Variants in TTBK2 observed in about 807,000 individuals in gnomAD.
The protein encoded by TTBK2 is tau tubulin kinase 2.
A neutral mutation model predicts 110.8 loss-of-function variants in TTBK2; 28 were observed. The observed-to-expected ratio is 0.25, with a 90% CI of 0.19 to 0.35. The LOEUF is 0.35. Among genes scored for constraint, TTBK2 ranks in the 10% least tolerant of loss-of-function variants. The pLI, the probability that TTBK2 is intolerant of heterozygous loss-of-function variation, is 1.00. For synonymous variants in TTBK2, 532 were observed against 527.3 expected, an observed-to-expected ratio of 1.01 and a Z score of -0.12; for missense variants, 1,369 against 1,500.3, an observed-to-expected ratio of 0.91 and a Z score of 1.45.
At position 42,743,432 on chromosome 15, in the gene TTBK2, C is replaced by T. The variant is rs1183618106; in HGVS notation, c.*2363G>A. On this transcript the variant is annotated 3_prime_UTR_variant, in exon 15 of 15. Transcript: ENST00000267890. The stretch of plus-strand genomic sequence containing the variant: ...GCTTCATCAGCTTTTCCAATGATTA[C>T]TACTAGCATATTTCCGACTAAAGGG... 1 of 152,200 alleles carries T rather than the reference C, an allele frequency of 6.6e-6. No homozygotes were observed. Among genetic ancestry groups the T allele is most frequent in the African/African-American group, 2.4e-5 (1 of 41,456 alleles). The allele number at this position is 152,200 out of a possible 1,614,324, so 9.4% of individuals were successfully genotyped here.
intron 4 of TTBK2, 35 bp downstream of exon 4, chr15:42,840,325 G>A: frequency 1.3e-6 from 2 of 1,562,292 alleles, no homozygotes; most frequent in East Asian, 2.2e-5. Context: ...GATCAAAACT[G>A]AAGAATTTAA....
intron 14 of TTBK2, among the ~76,000 whole-genome samples, chr15:42,750,288 T>G (rs550829751): frequency 1.3e-5 from 2 of 152,208 alleles, no homozygotes; most frequent in Admixed American, 6.5e-5. Context: ...AAAGACCTGA[T>G]AGCAAAGCTA....
intron 1 of TTBK2, among the ~76,000 whole-genome samples, chr15:42,912,501 G>C (rs1427348618): frequency 1.3e-5 from 2 of 151,968 alleles, no homozygotes; most frequent in Non-Finnish European, 2.9e-5. Context: ...CTGAGGTCAG[G>C]AGTTCAAGAC....
chr15:42,778,290 C>CAAA (rs55838282), intron 11 of TTBK2, among the ~76,000 whole-genome samples: 39 of 127,524 alleles, frequency 3.1e-4, no homozygotes, highest in African/African-American at 7.5e-4. Flanking sequence ...AGCAAGTAAG[C>CAAA]AAAAAAAAAA....
intron 3 of TTBK2, among the ~76,000 whole-genome samples, chr15:42,871,271 C>T (rs1223783972): frequency 2.0e-5 from 3 of 151,990 alleles, no homozygotes; most frequent in South Asian, 2.1e-4. Flanking sequence ...TAGTTAATAA[C>T]GTGAAAAATA....
intron 3 of TTBK2, among the ~76,000 whole-genome samples, chr15:42,852,466 C>T (rs540213477): frequency 6.6e-6 from 1 of 152,282 alleles, no homozygotes; most frequent in East Asian, 1.9e-4. Flanking sequence ...ATATCTTCTC[C>T]TTTTCTGACT....
rs1216983693 is a variant in TTBK2, at chr15:42,742,736, A to G, written c.*3059T>C. ...AAAAGATAATTTTAACTGCTGCCCT[A>G]TACTACTTTTAGTATAGTTTGGCTT... On this transcript the variant is annotated 3_prime_UTR_variant, in exon 15 of 15. Coordinates refer to ENST00000267890, the MANE Select transcript of TTBK2 (RefSeq NM_173500.4). 6.6e-6 allele frequency: 1 copy of G among 152,242 alleles called. No homozygotes were observed. The highest frequency in any genetic ancestry group is 2.4e-5 in the African/African-American group (1 of 41,466). The allele number at this position is 152,242 out of a possible 1,614,324, so 9.4% of individuals were successfully genotyped here. A position where few individuals can be genotyped will look rare whatever the true frequency, so the allele number is the denominator to read the frequency against.
chr15:42,892,079 T>C (rs1319453822), intron 1 of TTBK2, among the ~76,000 whole-genome samples: 2 of 152,150 alleles, frequency 1.3e-5, no homozygotes, highest in African/African-American at 2.4e-5. Context: ...GACTATATAA[T>C]ATCCCAGGTC....
intron 3 of TTBK2, among the ~76,000 whole-genome samples, chr15:42,844,270 T>C (rs1395801117): frequency 6.6e-6 from 1 of 152,160 alleles, no homozygotes; most frequent in Non-Finnish European, 1.5e-5. Flanking sequence ...TAATAAAACA[T>C]GCATAATATG....
chr15:42,827,244 G>A (rs897061797), intron 6 of TTBK2, among the ~76,000 whole-genome samples: 2 of 152,036 alleles, frequency 1.3e-5, no homozygotes, highest in Non-Finnish European at 1.5e-5. Context: ...GAGGAAGAAC[G>A]GAATAGATTT....
intron 14 of TTBK2, among the ~76,000 whole-genome samples, chr15:42,750,462 TA>T (rs2061850295): frequency 6.6e-6 from 1 of 150,976 alleles, no homozygotes; most frequent in South Asian, 2.1e-4. Flanking sequence ...GTACAATCAC[TA>T]AAATAAAAAA....
intron 1 of TTBK2, among the ~76,000 whole-genome samples, chr15:42,911,209 T>C (rs528305237): frequency 7.9e-5 from 12 of 152,310 alleles, no homozygotes; most frequent in East Asian, 3.9e-4. Context: ...ATCTGGTCGA[T>C]TGCAAAATAG....
intron 13 of TTBK2, among the ~76,000 whole-genome samples, chr15:42,760,802 C>G (rs1292710579): frequency 2.6e-5 from 4 of 152,186 alleles, no homozygotes; most frequent in Admixed American, 2.6e-4. Context: ...CAATCCCTAT[C>G]AAAATACCAA....
At chr15:42,790,651 G>A (rs1890623111) in intron 10 of TTBK2, among the ~76,000 whole-genome samples, 1 of 151,948 alleles carries the variant, frequency 6.6e-6, no homozygotes, top group South Asian at 2.1e-4. Flanking sequence ...TTGTTCTAAT[G>A]CTTATCTTTG....
intron 13 of TTBK2, among the ~76,000 whole-genome samples, chr15:42,754,180 C>T (rs2061909918): frequency 6.6e-6 from 1 of 150,540 alleles, no homozygotes; most frequent in Non-Finnish European, 1.5e-5. Context: ...GCTTTCCAAG[C>T]TCAAGTGATC....
At chr15:42,895,539 A>ATTT (rs1019730546) in intron 1 of TTBK2, among the ~76,000 whole-genome samples, 1 of 142,340 alleles carries the variant, frequency 7.0e-6, no homozygotes, top group Admixed American at 7.1e-5. Context: ...CATCAAAAAG[A>ATTT]TTTTTTTTTT....
At chr15:42,801,668 TCC>T in intron 9 of TTBK2, 1 of 893,954 alleles carries the variant, frequency 1.1e-6, no homozygotes, top group Non-Finnish European at 1.9e-6. Context: ...GCGGCTGTTG[TCC>T]ATGAACAGCA....
intron 1 of TTBK2, among the ~76,000 whole-genome samples, chr15:42,898,050 G>T (rs1042195713): frequency 1.3e-5 from 2 of 152,060 alleles, no homozygotes; most frequent in African/African-American, 4.8e-5. Context: ...AATTAGCCAG[G>T]TGTGATGGTG....
chr15:42,765,429 T>A (rs1048440623), intron 13 of TTBK2, among the ~76,000 whole-genome samples: 3 of 152,134 alleles, frequency 2.0e-5, no homozygotes, highest in African/African-American at 7.2e-5. Context: ...TTAAATGACC[T>A]GATGGAGCTG....
Sources: gnomAD v4.1 joint callset for allele counts (sites outside exome capture counted in the v4.1 genomes callset) on GRCh38, gnomAD v4.1.1 for gene constraint, MANE v1.5 for transcripts, NCBI Gene and HGNC (gene_info 2026-07-23, HGNC 2026-07-21) for gene names.